The following RPTOR variants were observed in gnomAD, a reference collection of about 807,000 sequenced individuals.
RPTOR encodes regulatory associated protein of MTOR complex 1.
In RPTOR, 21 loss-of-function variants were observed where a neutral mutation model predicts 169.9. The ratio of observed to expected loss-of-function variants is 0.12; its 90% confidence interval spans 0.09 to 0.18. RPTOR has a LOEUF of 0.18. RPTOR is among the 10% of genes least tolerant of loss of function. The pLI, the probability that RPTOR is intolerant of heterozygous loss-of-function variation, is 1.00. For missense variants in RPTOR, 1,133 were observed against 1,855.9 expected (o/e 0.61, Z 7.16); for synonymous variants, 732 against 753.2 (o/e 0.97, Z 0.46).
At chr17:80,607,478 T>C (rs1207549968) in intron 1 of RPTOR, among the ~76,000 whole-genome samples, 1 of 152,118 alleles carries the variant, frequency 6.6e-6, no homozygotes, top group East Asian at 1.9e-4. Context: ...TGTCCTGCTT[T>C]CTAATCTAGC....
At chr17:80,884,108 C>A in intron 16 of RPTOR, 136 bp downstream of exon 16, 1 of 850,602 alleles carries the variant, frequency 1.2e-6, no homozygotes, top group Middle Eastern at 3.3e-4. Flanking sequence ...AAGAGTAGGA[C>A]AGTGGGACCT....
At chr17:80,801,808 G>C in intron 7 of RPTOR, 1 of 152,328 alleles carries the variant, frequency 6.6e-6, no homozygotes. Flanking sequence ...ATCGCCGAGC[G>C]AGGGGGAGGT....
intron 20 of RPTOR, 22 bp downstream of exon 20, chr17:80,893,887 T>C (rs1278390043): frequency 1.3e-6 from 2 of 1,508,882 alleles, no homozygotes; most frequent in Admixed American, 2.2e-5. Context: ...TGCCCCTTTC[T>C]GCTTCCGAGG....
chr17:80,928,734 A>T (rs375850289), intron 24 of RPTOR, among the ~76,000 whole-genome samples: 18 of 152,360 alleles, frequency 1.2e-4, no homozygotes, highest in African/African-American at 3.8e-4. Flanking sequence ...ACAAAAGAAT[A>T]TTAAAAATGG....
intron 13 of RPTOR, among the ~76,000 whole-genome samples, chr17:80,871,140 C>G (rs977950400): frequency 6.6e-6 from 1 of 152,168 alleles, no homozygotes; most frequent in African/African-American, 2.4e-5. Flanking sequence ...GAGTCTCACT[C>G]TGTCACCCAG....
chr17:80,843,218 C>A (rs1051160224), intron 10 of RPTOR, among the ~76,000 whole-genome samples: 1 of 152,164 alleles, frequency 6.6e-6, no homozygotes, highest in Admixed American at 6.5e-5. Flanking sequence ...GAGCCTTCTC[C>A]TCCCTCAACG....
At chr17:80,893,581 T>A in intron 19 of RPTOR, 126 bp from the exon 20 acceptor site, 1 of 1,212,618 alleles carries the variant, frequency 8.2e-7, no homozygotes, top group Admixed American at 2.4e-5. Context: ...TGTACCAGGG[T>A]GTGTTTGTGC....
chr17:80,883,356 T>G, intron 14 of RPTOR, 63 bp from the exon 15 acceptor site: 2 of 1,408,320 alleles, frequency 1.4e-6, no homozygotes, highest in Non-Finnish European at 2.0e-6. Flanking sequence ...ATCACGCTGT[T>G]GTACTTTGGG....
chr17:80,623,561 A>C (rs1567824886), intron 1 of RPTOR, among the ~76,000 whole-genome samples: 1 of 151,912 alleles, frequency 6.6e-6, no homozygotes, highest in East Asian at 1.9e-4. Context: ...TTTGAGATGG[A>C]GTCTTGCTCT....
intron 3 of RPTOR, among the ~76,000 whole-genome samples, chr17:80,696,954 A>C (rs558812490): frequency 2.6e-5 from 4 of 152,318 alleles, no homozygotes; most frequent in African/African-American, 7.2e-5. Flanking sequence ...GTGGCATGTT[A>C]GCAGCTCCGT....
intron 7 of RPTOR, among the ~76,000 whole-genome samples, chr17:80,819,932 A>AGC (rs1315024704): frequency 6.6e-6 from 1 of 152,160 alleles, no homozygotes; most frequent in East Asian, 1.9e-4. Context: ...AACCCCATGG[A>AGC]GCGAGGACCT....
At chr17:80,710,686 T>A (rs1486894505) in intron 4 of RPTOR, among the ~76,000 whole-genome samples, 4 of 152,072 alleles carry the variant, frequency 2.6e-5, no homozygotes, top group Non-Finnish European at 5.9e-5. Flanking sequence ...TCTCCTGTTA[T>A]ACACACCTTT....
In RPTOR at chr17:80,590,485, C is replaced by T. The variant is rs190132702; in HGVS notation, c.163-35206C>T. 1.4e-4 allele frequency among the ~76,000 whole-genome samples: 21 copies of T among 150,140 alleles called. No homozygotes were observed. In the East Asian group the frequency reaches 2.8e-3, roughly 20 times the overall value. On this transcript the variant is annotated intron_variant, in intron 1 of 33. Coordinates refer to ENST00000306801, the MANE Select transcript of RPTOR (RefSeq NM_020761.3). ...ATGGTAAAGTAGGCATGCAGGTATG[C>T]GCACATGCGTGCACACAGTGTCTTT...
At position 80,855,553 on chromosome 17, in the gene RPTOR, T is replaced by C. The variant is rs1820013471; in HGVS notation, c.1398+6T>C. The stretch of plus-strand genomic sequence containing the variant: ...GTCCCTGGGCAGTGAGCCTGGTGCG[T>C]GCCTTCCGCATTAACCTGGGGGCTG... On this transcript the variant is annotated splice_donor_region_variant and intron_variant, in intron 12 of 33. Transcript: ENST00000306801. The C allele has an allele frequency of 1.2e-6, 2 of 1,606,300 alleles. No homozygotes were observed. The highest frequency in any genetic ancestry group is 1.7e-6 in the Non-Finnish European group (2 of 1,172,900).
At chr17:80,638,558 C>T (rs919813435) in intron 2 of RPTOR, among the ~76,000 whole-genome samples, 5 of 151,672 alleles carry the variant, frequency 3.3e-5, no homozygotes, top group African/African-American at 7.3e-5. Context: ...TGCACCAACA[C>T]GCTGATTAAT....
intron 3 of RPTOR, among the ~76,000 whole-genome samples, chr17:80,669,623 A>G (rs2065806691): frequency 6.6e-6 from 1 of 151,784 alleles, no homozygotes; most frequent in Admixed American, 6.6e-5. Flanking sequence ...ACCTCAGGTG[A>G]TCCGCCCGCC....
At chr17:80,635,474 C>G (rs2065498684) in intron 2 of RPTOR, among the ~76,000 whole-genome samples, 1 of 152,200 alleles carries the variant, frequency 6.6e-6, no homozygotes, top group South Asian at 2.1e-4. Flanking sequence ...GTAACCAAGA[C>G]TGGGACGGGA....
chr17:80,812,432 G>A (rs928007086), intron 7 of RPTOR, among the ~76,000 whole-genome samples: 7 of 152,012 alleles, frequency 4.6e-5, no homozygotes, highest in Non-Finnish European at 1.0e-4. Flanking sequence ...ATTGTTTTGA[G>A]TTTCTTTTTC....
chr17:80,561,412 A>T (rs1426617216), intron 1 of RPTOR, among the ~76,000 whole-genome samples: 1 of 149,960 alleles, frequency 6.7e-6, no homozygotes, highest in Admixed American at 6.6e-5. Flanking sequence ...CCAGCCCTAG[A>T]ATGGCATTTT....
Sources: allele counts gnomAD v4.1 joint callset (sites outside exome capture counted in the v4.1 genomes callset), GRCh38; gene constraint gnomAD v4.1.1; transcripts MANE v1.5; gene names NCBI Gene and HGNC (gene_info 2026-07-23, HGNC 2026-07-21).